MGAT4C: variants seen among roughly 807,000 people sequenced by gnomAD.
MGAT4C encodes the protein MGAT4 family member C, also known as alpha-1,3-mannosyl-glycoprotein 4-beta-N-acetylglucosaminyltransferase C.
In MGAT4C, 19 loss-of-function variants were observed where a neutral mutation model predicts 40.1. That is an observed-to-expected ratio of 0.47 (90% confidence interval 0.33 to 0.70). The LOEUF (loss-of-function observed/expected upper bound fraction) is 0.70. Among genes scored for constraint, MGAT4C ranks in the 30% least tolerant of loss-of-function variants. The pLI is 0.02. For synonymous variants in MGAT4C, 181 were observed against 187.1 expected (o/e 0.97, Z 0.27); for missense variants, 491 against 563.2 (o/e 0.87, Z 1.30).
intron 2 of MGAT4C, among the ~76,000 whole-genome samples, chr12:86,576,016 GC>G (rs754135073): frequency 4.6e-5 from 7 of 151,968 alleles, no homozygotes; most frequent in Non-Finnish European, 7.4e-5. Context: ...TTAGATGTAA[GC>G]CATTTTAACT....
intron 1 of MGAT4C, chr12:86,068,043 C>T (rs955966776): frequency 6.6e-6 from 1 of 152,130 alleles, no homozygotes. Flanking sequence ...TGCACAGATA[C>T]CTCTCCAAAA....
chr12:86,729,245 G>T (rs187869968), intron 1 of MGAT4C, among the ~76,000 whole-genome samples: 75 of 152,210 alleles, frequency 4.9e-4, no homozygotes, highest in African/African-American at 1.7e-3. Context: ...AAGGATAAAT[G>T]CTTGAGGTGA....
chr12:86,017,243 C>T (rs941953493), intron 2 of MGAT4C, among the ~76,000 whole-genome samples: 3 of 152,002 alleles, frequency 2.0e-5, no homozygotes, highest in African/African-American at 4.8e-5. Context: ...GCAGGAATCT[C>T]GAACTCGGAG....
At chr12:86,512,722 A>T (rs1958612791) in intron 2 of MGAT4C, among the ~76,000 whole-genome samples, 1 of 152,260 alleles carries the variant, frequency 6.6e-6, no homozygotes, top group South Asian at 2.1e-4. Context: ...AGGTATCTAA[A>T]GGAGTCAAAC....
At chr12:86,674,353 T>C (rs933570508) in intron 2 of MGAT4C, among the ~76,000 whole-genome samples, 1 of 152,178 alleles carries the variant, frequency 6.6e-6, no homozygotes, top group African/African-American at 2.4e-5. Flanking sequence ...ATTTTTACTA[T>C]GCATTTTCTT....
intron 1 of MGAT4C, among the ~76,000 whole-genome samples, chr12:86,239,894 G>C (rs1246768376): frequency 8.7e-6 from 1 of 115,450 alleles, no homozygotes; most frequent in Non-Finnish European, 1.7e-5. Flanking sequence ...GGGGAGGGGG[G>C]AGGGATAGCA....
intron 1 of MGAT4C, among the ~76,000 whole-genome samples, chr12:86,072,244 G>A (rs1868667897): frequency 6.6e-6 from 1 of 152,060 alleles, no homozygotes; most frequent in African/African-American, 2.4e-5. Flanking sequence ...TCAAATAGAG[G>A]ACTGTCACTA....
chr12:86,436,627 G>A (rs1957143283), intron 2 of MGAT4C, among the ~76,000 whole-genome samples: 1 of 151,548 alleles, frequency 6.6e-6, no homozygotes, highest in African/African-American at 2.4e-5. Context: ...AAAGGATAAG[G>A]ACTTGAAATT....
chr12:86,140,512 G>A lies in MGAT4C; in HGVS notation c.-56-90789C>T, dbSNP rs150370733. 3.4e-3 allele frequency among the ~76,000 whole-genome samples: 525 copies of A among 152,246 alleles called. 2 individuals carry two copies. Among genetic ancestry groups the A allele is most frequent in the Non-Finnish European group, 6.1e-3 (417 of 68,004 alleles). On this transcript the variant is annotated intron_variant, in intron 1 of 4. Coordinates refer to ENST00000611864, the MANE Select transcript of MGAT4C (RefSeq NM_001351288.2). ...ATCACACACCGGGGCCTGTCGGGGG[G>A]TGGGAGGTTAGAGGAGGGATAGCAT... is the stretch of plus-strand genomic sequence containing the variant.
chr12:86,630,477 G>C (rs1052998123), intron 2 of MGAT4C, among the ~76,000 whole-genome samples: 5 of 152,278 alleles, frequency 3.3e-5, no homozygotes, highest in African/African-American at 1.2e-4. Flanking sequence ...CAATATTCCT[G>C]ATGAACATCG....
intron 2 of MGAT4C, among the ~76,000 whole-genome samples, chr12:86,712,170 CTT>C (rs1950567595): frequency 6.6e-6 from 1 of 151,826 alleles, no homozygotes; most frequent in Admixed American, 6.6e-5. Flanking sequence ...GAATAAATAA[CTT>C]ATAAACTTAT....
intron 1 of MGAT4C, among the ~76,000 whole-genome samples, chr12:86,816,520 A>T (rs1282707802): frequency 6.6e-6 from 1 of 151,742 alleles, no homozygotes; most frequent in Non-Finnish European, 1.5e-5. Flanking sequence ...GACCTAAACA[A>T]GCTTTAATAT....
At chr12:85,993,797 T>A (rs961652883) in intron 2 of MGAT4C, among the ~76,000 whole-genome samples, 1 of 152,178 alleles carries the variant, frequency 6.6e-6, no homozygotes, top group East Asian at 1.9e-4. Flanking sequence ...AGCCACCTTG[T>A]GGACCCGCAG....
chr12:86,019,560 TA>T (rs1889443244), intron 2 of MGAT4C, among the ~76,000 whole-genome samples: 1 of 152,186 alleles, frequency 6.6e-6, no homozygotes, highest in Non-Finnish European at 1.5e-5. Flanking sequence ...ACCTTAATGT[TA>T]AGACATAATA....
At chr12:86,702,654 C>T (rs1593131154) in intron 2 of MGAT4C, among the ~76,000 whole-genome samples, 1 of 152,112 alleles carries the variant, frequency 6.6e-6, no homozygotes, top group Non-Finnish European at 1.5e-5. Context: ...TAAAGTCCAC[C>T]ATTGAGACCT....
At chr12:86,394,144 A>G (rs900578306) in intron 3 of MGAT4C, among the ~76,000 whole-genome samples, 5 of 152,330 alleles carry the variant, frequency 3.3e-5, no homozygotes, top group African/African-American at 1.2e-4. Flanking sequence ...AAAGGATGGC[A>G]GAGAAGAGGG....
chr12:86,758,181 T>C (rs1454827589), intron 1 of MGAT4C, among the ~76,000 whole-genome samples: 2 of 152,108 alleles, frequency 1.3e-5, no homozygotes, highest in Non-Finnish European at 2.9e-5. Context: ...CCAAAGTTTC[T>C]TTGGCCTTAC....
Position 86,212,891 on chromosome 12 carries a change from C to CAAAAAAA in MGAT4C, c.-57+43341_-57+43347dup, listed in dbSNP as rs71076172. On this transcript the variant is annotated intron_variant, in intron 1 of 4. Transcript: ENST00000611864. ...TGGGCGACAGAGCGAGACTCCGTCT[C>CAAAAAAA]AAAAAAAAAAAAAAAAAAAAAAAAA... Among the ~76,000 whole-genome samples the CAAAAAAA allele has an allele frequency of 1.3e-3, 30 of 22,520 alleles. 2 individuals are homozygous for CAAAAAAA. The highest frequency in any genetic ancestry group is 2.8e-3 in the African/African-American group (15 of 5,304). The allele number at this position is 22,520 out of a possible 152,430, so 14.8% of individuals were successfully genotyped here.
At chr12:86,696,407 C>T (rs1162328840) in intron 2 of MGAT4C, among the ~76,000 whole-genome samples, 1 of 152,062 alleles carries the variant, frequency 6.6e-6, no homozygotes, top group African/African-American at 2.4e-5. Context: ...GAATAGCTAA[C>T]CAATTTCTTT....
Sources: gnomAD v4.1 joint callset for allele counts (sites outside exome capture counted in the v4.1 genomes callset) on GRCh38, gnomAD v4.1.1 for gene constraint, MANE v1.5 for transcripts, NCBI Gene and HGNC (gene_info 2026-07-23, HGNC 2026-07-21) for gene names.